ZDHHC9: variants seen among roughly 807,000 people sequenced by gnomAD.
ZDHHC9 encodes zDHHC palmitoyltransferase 9, also known as palmitoyltransferase ZDHHC9.
A neutral mutation model predicts 26.6 loss-of-function variants in ZDHHC9; 3 were observed. That is an observed-to-expected ratio of 0.11 (90% CI 0.05 to 0.29). ZDHHC9 has a LOEUF of 0.29. Ranked by LOEUF, ZDHHC9 falls within the 10% of genes least tolerant of loss-of-function variation. ZDHHC9 has a pLI of 1.00. For missense variants in ZDHHC9, 146 were observed against 296.4 expected (o/e 0.49, Z 3.73); for synonymous variants, 111 against 109.4 (o/e 1.01, Z -0.09).
At chrX:129,807,399 T>C (rs894215619) in intron 10 of ZDHHC9, among the ~76,000 whole-genome samples, 2 of 102,946 alleles carry the variant, frequency 1.9e-5, no homozygotes, top group Admixed American at 1.0e-4. Context: ...TGAGCCGAGA[T>C]TGCGCCACTG....
In ZDHHC9 at chrX:129,811,482, G is replaced by A; in HGVS notation, c.805C>T (p.Arg269Cys). 6 of 1,209,143 alleles carry A rather than the reference G, an allele frequency of 5.0e-6. No individual in the cohort carries two copies. The highest frequency in any genetic ancestry group is 1.8e-5 in the South Asian group (1 of 56,587). Residue 269 changes from arginine to cysteine, a missense_variant, in exon 9 of 11, where the codon CGC becomes TGC. Arg to Cys is a radical substitution (Grantham distance 180, BLOSUM62 -3). Transcript: ENST00000357166. ...DIKGSWTGKN[R>C]VQNPYSHGNI... ...CCATGGCTGTAGGGATTCTGGACGC[G>A]ATTCTTCCCTGTCCATGATCCTTTG...
intron 5 of ZDHHC9, among the ~76,000 whole-genome samples, chrX:129,815,337 T>C (rs940184203): frequency 1.8e-5 from 2 of 112,082 alleles, no homozygotes; most frequent in Non-Finnish European, 3.8e-5. Flanking sequence ...TACGTGACAA[T>C]TGGCTATTTG....
chrX:129,825,987 T>C (rs1432604460), intron 4 of ZDHHC9, among the ~76,000 whole-genome samples: 1 of 112,127 alleles, frequency 8.9e-6, no homozygotes, highest in Non-Finnish European at 1.9e-5. Flanking sequence ...TGAATTTGCA[T>C]GCCTGCCCAT....
Position 129,823,676 on chromosome X carries a change from C to G in ZDHHC9, c.487+3G>C. On this transcript the variant is annotated splice_donor_region_variant and intron_variant, in intron 5 of 10. Transcript: ENST00000357166. ...TAGGCAATGTCCCTGTAGTTTTACT[C>G]ACCCACACAGTTGTCACAGATGCTG... The G allele has an allele frequency of 8.2e-7, 1 of 1,212,331 alleles. No individual in the cohort carries two copies. Among genetic ancestry groups the G allele is most frequent in the Non-Finnish European group, 1.1e-6 (1 of 895,592 alleles).
intron 3 of ZDHHC9, among the ~76,000 whole-genome samples, chrX:129,830,355 G>A (rs754958135): frequency 9.0e-6 from 1 of 111,383 alleles, no homozygotes; most frequent in Non-Finnish European, 1.9e-5. Flanking sequence ...TGGATCAAAC[G>A]CACTAGTATA....
In ZDHHC9 at chrX:129,806,561, G is replaced by T; in HGVS notation, c.979-75C>A. 4.4e-6 allele frequency: 4 copies of T among 918,613 alleles called. No individual in the cohort carries two copies. In the South Asian group the frequency reaches 8.2e-5, roughly 19 times the overall value. The allele number at this position is 918,613 out of a possible 1,213,427, so 75.7% of individuals were successfully genotyped here. On this transcript the variant is annotated intron_variant, in intron 10 of 10. Coordinates refer to ENST00000357166, the MANE Select transcript of ZDHHC9 (RefSeq NM_016032.4). The stretch of plus-strand genomic sequence containing the variant: ...CAAATGCAGATAAACCTTAGACACT[G>T]AACTCTTCCTCTCAGCCCCCTGATC...
intron 10 of ZDHHC9, among the ~76,000 whole-genome samples, chrX:129,807,141 G>T (rs987923405): frequency 8.9e-6 from 1 of 112,398 alleles, no homozygotes; most frequent in Non-Finnish European, 1.9e-5. Flanking sequence ...CTTATAAAAA[G>T]AATTCACTTA....
chrX:129,813,783 C>T, intron 6 of ZDHHC9, 58 bp from the exon 7 acceptor site: 4 of 1,044,944 alleles, frequency 3.8e-6, no homozygotes, highest in Non-Finnish European at 5.4e-6. Context: ...CAAAACTACA[C>T]ACTATCCTAG....
At chrX:129,817,385 G>C (rs1282578082) in intron 5 of ZDHHC9, among the ~76,000 whole-genome samples, 1 of 110,106 alleles carries the variant, frequency 9.1e-6, no homozygotes, top group Non-Finnish European at 1.9e-5. Context: ...TCGGGAGGCG[G>C]AGGTTGCAGT....
Position 129,806,013 on chromosome X carries a change from A to C in ZDHHC9, c.*357T>G, listed in dbSNP as rs762851296. 1.1e-4 allele frequency: 27 copies of C among 235,107 alleles called. No individual in the cohort carries two copies. The highest frequency in any genetic ancestry group is 4.7e-4 in the Admixed American group (8 of 16,865). 19.4% of individuals were successfully genotyped at this position (235,107 alleles called of 1,213,427 possible). Reference sequence around the variant, plus strand: ...TTGGGAGGATTTGAGCCAGTCTCAAAAACTTTTAGCCCCAGAATGAGACCA... The same window carrying C: ...TTGGGAGGATTTGAGCCAGTCTCAACAACTTTTAGCCCCAGAATGAGACCA... On this transcript the variant is annotated 3_prime_UTR_variant, in exon 11 of 11. Coordinates refer to ENST00000357166, the MANE Select transcript of ZDHHC9 (RefSeq NM_016032.4).
At chrX:129,826,358 T>C (rs1210189707) in intron 4 of ZDHHC9, among the ~76,000 whole-genome samples, 2 of 111,289 alleles carry the variant, frequency 1.8e-5, no homozygotes, top group African/African-American at 3.3e-5. Context: ...ACCCACAGCA[T>C]ACCCAGTACA....
intron 3 of ZDHHC9, among the ~76,000 whole-genome samples, chrX:129,834,214 C>T (rs1329485485): frequency 8.9e-6 from 1 of 111,742 alleles, no homozygotes; most frequent in Non-Finnish European, 1.9e-5. Context: ...CTGCAGGCAT[C>T]TTGATCTTGT....
At chrX:129,806,646 C>T (rs918276354) in intron 10 of ZDHHC9, among the ~76,000 whole-genome samples, 160 bp from the exon 11 acceptor site, 2 of 112,338 alleles carry the variant, frequency 1.8e-5, no homozygotes, top group Admixed American at 9.4e-5. Context: ...ACCAAGCTAT[C>T]GTCTTCTCGG....
intron 5 of ZDHHC9, among the ~76,000 whole-genome samples, chrX:129,822,225 C>T (rs982321501): frequency 5.0e-4 from 55 of 110,961 alleles, no homozygotes; most frequent in African/African-American, 1.3e-3. Context: ...AATGATAGAC[C>T]GGATAAAGAA....
At chrX:129,814,891 A>G (rs1927724846) in intron 5 of ZDHHC9, 96 bp from the exon 6 acceptor site, 5 of 949,886 alleles carry the variant, frequency 5.3e-6, no homozygotes, top group Non-Finnish European at 5.9e-6. Context: ...CTCCAGGATC[A>G]TTGTCTATTT....
intron 3 of ZDHHC9, among the ~76,000 whole-genome samples, chrX:129,837,042 G>A (rs992307443): frequency 4.5e-5 from 5 of 112,162 alleles, no homozygotes; most frequent in East Asian, 2.8e-4. Flanking sequence ...GTATAGAGAC[G>A]TTGGCTGGTC....
intron 5 of ZDHHC9, 83 bp downstream of exon 5, chrX:129,823,596 C>G: frequency 9.1e-7 from 1 of 1,102,437 alleles, no homozygotes; most frequent in Non-Finnish European, 1.3e-6. Flanking sequence ...TCTATCTTCC[C>G]TCCTCCCAAA....
At position 129,806,286 on chromosome X, in the gene ZDHHC9, G is replaced by T; in HGVS notation, c.*84C>A. 1 of 834,703 alleles carries T rather than the reference G, an allele frequency of 1.2e-6. No homozygotes were observed. The highest frequency in any genetic ancestry group is 1.8e-6 in the Non-Finnish European group (1 of 552,249). The allele number at this position is 834,703 out of a possible 1,213,427, so 68.8% of individuals were successfully genotyped here. On this transcript the variant is annotated 3_prime_UTR_variant, in exon 11 of 11. Coordinates refer to ENST00000357166, the MANE Select transcript of ZDHHC9 (RefSeq NM_016032.4). ...AACAGTTAAAAGGGACAGCTTACTT[G>T]CTCTCTGTCTCAGGTTTAACTTCTC...
At chrX:129,820,270 A>G (rs1383720011) in intron 5 of ZDHHC9, among the ~76,000 whole-genome samples, 1 of 110,985 alleles carries the variant, frequency 9.0e-6, no homozygotes, top group East Asian at 2.8e-4. Context: ...TTTCCTTGCT[A>G]ATTTTCTAGA....
Sources: allele counts gnomAD v4.1 joint callset (sites outside exome capture counted in the v4.1 genomes callset), GRCh38; gene constraint gnomAD v4.1.1; transcripts MANE v1.5; gene names NCBI Gene and HGNC (gene_info 2026-07-23, HGNC 2026-07-21).